The following NSMCE1 variants were observed in gnomAD, a reference collection of about 807,000 sequenced individuals.
NSMCE1 encodes the protein non-structural maintenance of chromosomes element 1 homolog.
A neutral mutation model predicts 29.6 loss-of-function variants in NSMCE1; 18 were observed. The ratio of observed to expected loss-of-function variants is 0.61; its 90% CI spans 0.42 to 0.90. The LOEUF (loss-of-function observed/expected upper bound fraction) is 0.90. Ranked by LOEUF, NSMCE1 falls within the 40% of genes least tolerant of loss-of-function variation. The pLI, the probability that NSMCE1 is intolerant of heterozygous loss-of-function variation, is 0.00. For missense variants in NSMCE1, 314 were observed against 343.6 expected (o/e 0.91, Z 0.68); for synonymous variants, 124 against 133.4 (o/e 0.93, Z 0.49).
rs2083894334 is a variant in NSMCE1 at position 27,241,562 on chromosome 16, G to C, written c.137-6263C>G. 1.6e-5 allele frequency: 3 copies of C among 183,372 alleles called. No individual in the cohort carries two copies. The South Asian group carries it at 2.7e-4, about 17-fold the overall frequency. 11.4% of individuals were successfully genotyped at this position (183,372 alleles called of 1,614,324 possible). A position where few individuals can be genotyped will look rare whatever the true frequency, so the allele number is the denominator to read the frequency against. ...AGGGGCCACAGGATTTCACCTCTCA[G>C]CCTGTAGCTCTCATCTTTCCCCCAA... On this transcript the variant is annotated intron_variant, in intron 2 of 7. Transcript: ENST00000361439.
chr16:27,225,673 C>T, intron 7 of NSMCE1, 53 bp downstream of exon 7: 5 of 1,607,362 alleles, frequency 3.1e-6, no homozygotes, highest in Non-Finnish European at 4.2e-6. Flanking sequence ...TGGCACCAGG[C>T]CCCACGTCCT....
intron 5 of NSMCE1, among the ~76,000 whole-genome samples, chr16:27,231,171 A>T (rs768161123): frequency 6.6e-5 from 10 of 152,240 alleles, no homozygotes; most frequent in Non-Finnish European, 1.0e-4. Flanking sequence ...TCCTGTAATG[A>T]GCAGATATTT....
At chr16:27,227,163 T>G (rs1303022048) in intron 5 of NSMCE1, among the ~76,000 whole-genome samples, 1 of 152,234 alleles carries the variant, frequency 6.6e-6, no homozygotes, top group African/African-American at 2.4e-5. Context: ...ATGAGGACGC[T>G]GAGGCCCACA....
chr16:27,251,619 G>A (rs2084036781), intron 2 of NSMCE1, among the ~76,000 whole-genome samples: 1 of 152,130 alleles, frequency 6.6e-6, no homozygotes, highest in Non-Finnish European at 1.5e-5. Flanking sequence ...TCAGAATCAT[G>A]CAGGTCTCAT....
At chr16:27,230,367 T>C (rs2083750163) in intron 5 of NSMCE1, among the ~76,000 whole-genome samples, 1 of 152,128 alleles carries the variant, frequency 6.6e-6, no homozygotes. Flanking sequence ...GACACTGACA[T>C]GTGGTCTCTC....
chr16:27,257,977 G>A (rs2084106585), intron 1 of NSMCE1: 1 of 154,714 alleles, frequency 6.5e-6, no homozygotes. Flanking sequence ...CACTAAATAA[G>A]TCTGAGCTAT....
chr16:27,268,471 T>C (rs1040424912), intron 1 of NSMCE1: 4 of 152,266 alleles, frequency 2.6e-5, no homozygotes, highest in African/African-American at 9.6e-5. Flanking sequence ...TGCGTGTGTG[T>C]TGCGGGAGGA....
At chr16:27,235,404 C>A in intron 2 of NSMCE1, 105 bp from the exon 3 acceptor site, 2 of 1,290,672 alleles carry the variant, frequency 1.5e-6, no homozygotes, top group South Asian at 2.5e-5. Flanking sequence ...GGGACAGCAA[C>A]CCCAGACATG....
chr16:27,233,963 C>G (rs2083789719), intron 4 of NSMCE1: 5 of 531,278 alleles, frequency 9.4e-6, no homozygotes, highest in Non-Finnish European at 1.7e-5. Context: ...GGGCTCACAC[C>G]TGGCCCAGCA....
chr16:27,263,789 A>C (rs975616890), intron 1 of NSMCE1, among the ~76,000 whole-genome samples: 1 of 152,234 alleles, frequency 6.6e-6, no homozygotes, highest in Non-Finnish European at 1.5e-5. Flanking sequence ...TTTGGAATCG[A>C]AGAAAACATC....
At chr16:27,261,142 G>A (rs557416104) in intron 1 of NSMCE1, among the ~76,000 whole-genome samples, 244 of 146,092 alleles carry the variant, frequency 1.7e-3, no homozygotes, top group African/African-American at 5.9e-3. Flanking sequence ...ACTCCAGCCT[G>A]GGTGACAAAG....
At chr16:27,244,547 C>CA (rs2083932119) in intron 2 of NSMCE1, among the ~76,000 whole-genome samples, 1 of 152,218 alleles carries the variant, frequency 6.6e-6, no homozygotes, top group Non-Finnish European at 1.5e-5. Flanking sequence ...CCAAGCTCCT[C>CA]CCCATCTCAG....
chr16:27,240,593 C>T (rs2083883119), intron 2 of NSMCE1, among the ~76,000 whole-genome samples: 1 of 152,204 alleles, frequency 6.6e-6, no homozygotes, highest in South Asian at 2.1e-4. Context: ...CTGGAGCGAA[C>T]AGAGCCACTC....
chr16:27,239,452 A>T (rs377742883), intron 2 of NSMCE1, among the ~76,000 whole-genome samples: 1 of 152,248 alleles, frequency 6.6e-6, no homozygotes, highest in Admixed American at 6.5e-5. Context: ...CATGATAAAG[A>T]GTGCGGAATA....
At position 27,225,760 on chromosome 16, in the gene NSMCE1, G is replaced by C. The variant is rs367715497; in HGVS notation, c.687C>G (p.Pro229=). The change falls in exon 7 of 8, where the codon CCC becomes CCG. Residue 229 remains proline, a synonymous_variant. Coordinates refer to ENST00000361439, the MANE Select transcript of NSMCE1 (RefSeq NM_145080.4). Reference sequence around the variant, plus strand: ...CGTGGGGCCAGTAGTCGTTGCAGTGGGGGCAGCGCGGTTCAGCATTCGACT... The same window carrying C: ...CGTGGGGCCAGTAGTCGTTGCAGTGCGGGCAGCGCGGTTCAGCATTCGACT... ...YFQSNAEPRC[P]HCNDYWPHEI... is the part of the protein sequence containing the mutation. 6.2e-7 allele frequency: 1 copy of C among 1,614,200 alleles called. No homozygotes were observed. Among genetic ancestry groups the C allele is most frequent in the Non-Finnish European group, 8.5e-7 (1 of 1,180,050 alleles).
intron 2 of NSMCE1, among the ~76,000 whole-genome samples, chr16:27,255,187 T>G (rs922738970): frequency 6.6e-6 from 1 of 152,220 alleles, no homozygotes; most frequent in South Asian, 2.1e-4. Context: ...GCCGCTACTA[T>G]GCTTTTTAAA....
intron 1 of NSMCE1, among the ~76,000 whole-genome samples, chr16:27,260,736 G>A (rs145707034): frequency 3.3e-5 from 5 of 151,718 alleles, no homozygotes; most frequent in Non-Finnish European, 2.9e-5. Flanking sequence ...GCACACCTCC[G>A]TAGTCCCAGC....
intron 6 of NSMCE1, 25 bp from the exon 7 acceptor site, chr16:27,225,871 G>A: frequency 6.2e-7 from 1 of 1,612,916 alleles, no homozygotes; most frequent in Non-Finnish European, 8.5e-7. Flanking sequence ...GCCAATGACG[G>A]CGGAGCTGGT....
At chr16:27,253,009 G>T (rs1423746714) in intron 2 of NSMCE1, among the ~76,000 whole-genome samples, 1 of 152,178 alleles carries the variant, frequency 6.6e-6, no homozygotes, top group Non-Finnish European at 1.5e-5. Context: ...CGTTGAGACG[G>T]TGGTGCAAGT....
Sources: gnomAD v4.1 joint callset for allele counts (sites outside exome capture counted in the v4.1 genomes callset) on GRCh38, gnomAD v4.1.1 for gene constraint, MANE v1.5 for transcripts, NCBI Gene and HGNC (gene_info 2026-07-23, HGNC 2026-07-21) for gene names.